TCEA1: variants seen among roughly 807,000 people sequenced by gnomAD.
The protein encoded by TCEA1 is transcription elongation factor A1.
TCEA1 carries 21 observed loss-of-function variants against 43.8 expected under a neutral mutation model. That is an observed-to-expected ratio of 0.48 (90% confidence interval 0.34 to 0.69). The LOEUF is 0.69. TCEA1 is among the 30% of genes least tolerant of loss of function. The pLI is 0.01. For missense variants in TCEA1, 250 were observed against 365.1 expected (o/e 0.68, Z 2.57); for synonymous variants, 104 against 117.5 (o/e 0.88, Z 0.75).
chr8:53,968,319 T>C (rs1181042810), intron 9 of TCEA1, among the ~76,000 whole-genome samples: 7 of 152,014 alleles, frequency 4.6e-5, no homozygotes, highest in African/African-American at 2.4e-5. Context: ...AAAGAACTTG[T>C]ATAAAACAAT....
chr8:53,976,306 A>C (rs556282248), intron 8 of TCEA1, among the ~76,000 whole-genome samples: 3 of 152,272 alleles, frequency 2.0e-5, no homozygotes, highest in South Asian at 4.1e-4. Flanking sequence ...GCAGCGTTCT[A>C]CTCACTTAAG....
intron 3 of TCEA1, among the ~76,000 whole-genome samples, chr8:53,996,327 C>T (rs947645806): frequency 1.3e-5 from 2 of 152,242 alleles, no homozygotes; most frequent in African/African-American, 4.8e-5. Context: ...CAATCAAGTC[C>T]CAGCTTGGCT....
intron 3 of TCEA1, among the ~76,000 whole-genome samples, chr8:53,998,604 A>C (rs573893444): frequency 6.6e-6 from 1 of 152,238 alleles, no homozygotes; most frequent in Admixed American, 6.5e-5. Context: ...ATTGCGTTTA[A>C]TTTTCTTTCC....
chr8:54,020,274 A>ACAAAATAACGAAAATGTTC (rs1804979343), intron 1 of TCEA1, among the ~76,000 whole-genome samples: 1 of 152,240 alleles, frequency 6.6e-6, no homozygotes. Flanking sequence ...TCCAGTTTAA[A>ACAAAATAACGAAAATGTTC]CAAAATAACG....
intron 4 of TCEA1, among the ~76,000 whole-genome samples, chr8:53,989,994 A>C (rs986895288): frequency 6.6e-6 from 1 of 152,170 alleles, no homozygotes; most frequent in Admixed American, 6.6e-5. Context: ...CCAGGAGTTC[A>C]AGAACAGCCC....
intron 1 of TCEA1, among the ~76,000 whole-genome samples, chr8:54,020,829 G>T (rs950436788): frequency 6.6e-6 from 1 of 152,222 alleles, no homozygotes; most frequent in East Asian, 1.9e-4. Context: ...ATTATTTCAG[G>T]TACACTGATG....
rs116161518 is a variant in TCEA1 at position 53,980,832 on chromosome 8, A to G, written c.679-1661T>C. Among the ~76,000 whole-genome samples, 620 of 152,338 alleles carry G rather than the reference A, an allele frequency of 4.1e-3. 4 individuals are homozygous for G. Among genetic ancestry groups the G allele is most frequent in the African/African-American group, 0.014 (591 of 41,576 alleles). Reference sequence around the variant, plus strand: ...AGACTAAGTTTAGTGAGGAAGGCATATGGAAAGCTGGGATAAGCCAAAAGC... The same window carrying G: ...AGACTAAGTTTAGTGAGGAAGGCATGTGGAAAGCTGGGATAAGCCAAAAGC... On this transcript the variant is annotated intron_variant, in intron 7 of 9. Transcript: ENST00000521604.
chr8:54,003,128 C>T (rs994844475), intron 2 of TCEA1: 2 of 453,378 alleles, frequency 4.4e-6, no homozygotes, highest in South Asian at 3.1e-5. Flanking sequence ...TGTACAGCTA[C>T]TATAAAACAC....
chr8:54,019,522 A>G (rs182052669), intron 1 of TCEA1, among the ~76,000 whole-genome samples: 2 of 150,836 alleles, frequency 1.3e-5, no homozygotes, highest in East Asian at 3.9e-4. Context: ...GTGAGCCGAG[A>G]TTGCACCACT....
intron 3 of TCEA1, among the ~76,000 whole-genome samples, chr8:53,999,294 T>C (rs924906930): frequency 2.1e-5 from 3 of 143,958 alleles, no homozygotes; most frequent in Admixed American, 1.4e-4. Flanking sequence ...TTCCTGAAGG[T>C]AGAAAAACAA....
intron 3 of TCEA1, among the ~76,000 whole-genome samples, chr8:53,999,144 G>A (rs1458813425): frequency 2.1e-5 from 3 of 146,044 alleles, no homozygotes; most frequent in Admixed American, 7.1e-5. Flanking sequence ...AGAATGGCAT[G>A]AACCCAGGAG....
At chr8:54,022,039 G>A (rs1489819626) in intron 1 of TCEA1, 24 bp downstream of exon 1, 3 of 1,578,694 alleles carry the variant, frequency 1.9e-6, no homozygotes, top group South Asian at 1.1e-5. Context: ...CTCCCTCCCG[G>A]CCCGCGCCGC....
At chr8:53,984,718 T>C (rs977524793) in intron 6 of TCEA1, among the ~76,000 whole-genome samples, 1 of 151,540 alleles carries the variant, frequency 6.6e-6, no homozygotes, top group Non-Finnish European at 1.5e-5. Context: ...CCCGTCTCTA[T>C]TAAAAACACA....
intron 3 of TCEA1, among the ~76,000 whole-genome samples, chr8:53,995,834 G>C (rs1166905887): frequency 6.6e-6 from 1 of 152,210 alleles, no homozygotes; most frequent in Non-Finnish European, 1.5e-5. Flanking sequence ...CACAACTGTA[G>C]AACTCATCTT....
chr8:53,994,757 G>C (rs1658088156), intron 3 of TCEA1, among the ~76,000 whole-genome samples: 2 of 152,020 alleles, frequency 1.3e-5, no homozygotes, highest in South Asian at 2.1e-4. Flanking sequence ...TGTAGTCCCA[G>C]CTACTCAGGA....
chr8:53,967,719 A>G lies in TCEA1; in HGVS notation c.*385T>C, dbSNP rs944648864. 2.2e-5 allele frequency: 5 copies of G among 225,812 alleles called. No individual in the cohort carries two copies. The allele number at this position is 225,812 out of a possible 1,614,324, so 14.0% of individuals were successfully genotyped here. A position where few individuals can be genotyped will look rare whatever the true frequency, so the allele number is the denominator to read the frequency against. ...TTTGTAGCTACATGCCAATATGGAAAAAAATGTATTTTCATTTATGTATTA... is the reference window on the plus strand; with the variant it reads ...TTTGTAGCTACATGCCAATATGGAAGAAAATGTATTTTCATTTATGTATTA... On this transcript the variant is annotated 3_prime_UTR_variant, in exon 10 of 10. Transcript: ENST00000521604.
In TCEA1 at chr8:53,983,858, G is replaced by T. The variant is rs1197938355; in HGVS notation, c.678+505C>A. Among the ~76,000 whole-genome samples, 3 of 152,316 alleles carry T rather than the reference G, an allele frequency of 2.0e-5. No homozygotes were observed. The East Asian group carries it at 5.8e-4, about 29-fold the overall frequency. Reference sequence around the variant, plus strand: ...TCACACCTGTAATTCCAACACTTTGGGAGGCCAAGGCGGACAGATCATCTG... The same window carrying T: ...TCACACCTGTAATTCCAACACTTTGTGAGGCCAAGGCGGACAGATCATCTG... On this transcript the variant is annotated intron_variant, in intron 7 of 9. Coordinates refer to ENST00000521604, the MANE Select transcript of TCEA1 (RefSeq NM_006756.4).
At chr8:53,990,302 G>A (rs951265395) in intron 4 of TCEA1, among the ~76,000 whole-genome samples, 10 of 149,970 alleles carry the variant, frequency 6.7e-5, no homozygotes, top group African/African-American at 1.7e-4. Flanking sequence ...TGATAATTCC[G>A]CCTCGGCGTC....
chr8:54,021,276 G>A (rs773749130), intron 1 of TCEA1, among the ~76,000 whole-genome samples: 4 of 152,180 alleles, frequency 2.6e-5, no homozygotes, highest in Non-Finnish European at 5.9e-5. Flanking sequence ...GAAACTGGTC[G>A]TATGAGGATT....
Sources: gnomAD v4.1 joint callset for allele counts (sites outside exome capture counted in the v4.1 genomes callset) on GRCh38, gnomAD v4.1.1 for gene constraint, MANE v1.5 for transcripts, NCBI Gene and HGNC (gene_info 2026-07-23, HGNC 2026-07-21) for gene names.